SUSD4: variants seen among roughly 807,000 people sequenced by gnomAD.
The protein encoded by SUSD4 is sushi domain containing 4.
Under a neutral mutation model 50.5 loss-of-function variants are expected in SUSD4, and 41 were observed. The observed-to-expected ratio is 0.81, with a 90% CI of 0.63 to 1.05. The LOEUF is 1.05. Ranked by LOEUF, SUSD4 falls within the 50% of genes least tolerant of loss-of-function variation. The probability of loss-of-function intolerance (pLI) is 0.00; values close to 1 mark genes in which losing one functional copy is unlikely to be tolerated. For missense variants in SUSD4, 580 were observed against 634.7 expected, an observed-to-expected ratio of 0.91 and a Z score of 0.93; for synonymous variants, 257 against 257.3, an observed-to-expected ratio of 1.00 and a Z score of 0.01.
chr1:223,281,604 C>T (rs1017535255), intron 3 of SUSD4, among the ~76,000 whole-genome samples: 1 of 152,180 alleles, frequency 6.6e-6, no homozygotes, highest in African/African-American at 2.4e-5. Context: ...TAATAGCCTA[C>T]CAACCAAAAA....
intron 7 of SUSD4, among the ~76,000 whole-genome samples, chr1:223,224,862 C>CTTTTTTT (rs11345619): frequency 1.0e-4 from 6 of 59,288 alleles, no homozygotes; most frequent in African/African-American, 3.6e-4. Context: ...TGGTTTCTTC[C>CTTTTTTT]TTTTTTTTTT....
rs1659579434 is a variant in SUSD4 at position 223,227,268 on chromosome 1, C to A, written c.1061+326G>T. Reference sequence around the variant, plus strand: ...TGGTGCTTCACTCCAGGGCCACATGCAGGGGGACCACAGTGGGAATGGTGC... The same window carrying A: ...TGGTGCTTCACTCCAGGGCCACATGAAGGGGGACCACAGTGGGAATGGTGC... On this transcript the variant is annotated intron_variant, in intron 7 of 8. Transcript: ENST00000366878. The surrounding 1 kb of genome is among the most constrained non-coding windows in gnomAD (Gnocchi z 4.5). 6.6e-6 allele frequency among the ~76,000 whole-genome samples: 1 copy of A among 152,152 alleles called. No individual in the cohort carries two copies. Among genetic ancestry groups the A allele is most frequent in the South Asian group, 2.1e-4 (1 of 4,828 alleles).
At chr1:223,364,975 G>A (rs1420657948), upstream of SUSD4, among the ~76,000 whole-genome samples, 1 of 152,138 alleles carries the variant, frequency 6.6e-6, no homozygotes, top group East Asian at 1.9e-4. The surrounding 1 kb of genome is among the most constrained non-coding windows in gnomAD (Gnocchi z 4.5). Context: ...CAGGTGTTGC[G>A]AGTGAGGACC....
chr1:223,351,311 T>C (rs2102575474), intron 2 of SUSD4, among the ~76,000 whole-genome samples: 1 of 152,304 alleles, frequency 6.6e-6, no homozygotes, highest in South Asian at 2.1e-4. Context: ...GCACAACATC[T>C]AAAGTAGGGG....
At chr1:223,303,161 C>A (rs1172293713) in intron 2 of SUSD4, among the ~76,000 whole-genome samples, 2 of 151,786 alleles carry the variant, frequency 1.3e-5, no homozygotes, top group East Asian at 3.9e-4. Flanking sequence ...TCAAAAACAC[C>A]CCCAAAATCA....
intron 5 of SUSD4, among the ~76,000 whole-genome samples, chr1:223,239,119 T>C (rs1660407225): frequency 6.6e-6 from 1 of 152,062 alleles, no homozygotes; most frequent in Admixed American, 6.5e-5. Context: ...TGCTATAAAG[T>C]CTGTTCTGTC....
At chr1:223,272,282 T>C (rs1029807927) in intron 3 of SUSD4, among the ~76,000 whole-genome samples, 4 of 152,216 alleles carry the variant, frequency 2.6e-5, no homozygotes, top group Admixed American at 6.5e-5. Context: ...AAATAGGCCA[T>C]TCAGGGTGTA....
chr1:223,316,201 C>CA lies in SUSD4; in HGVS notation c.149-23551dup, dbSNP rs149634210. On this transcript the variant is annotated intron_variant, in intron 2 of 8. Coordinates refer to ENST00000366878, the MANE Select transcript of SUSD4 (RefSeq NM_017982.4). ...ATGACTTGGGAAAATCTTAAGCACC[C>CA]AAAAAAGGTAGGGGCATGGGGATGG... Among the ~76,000 whole-genome samples, 1,415 of 152,034 alleles carry CA rather than the reference C, an allele frequency of 9.3e-3. 41 individuals carry two copies. The East Asian group carries it at 0.11, about 11-fold the overall frequency.
rs202015723 is a variant in SUSD4, at chr1:223,281,788, A to T, written c.361+10651T>A. ...AAGCCTGGCAGAGACACAACAAAAA[A>T]AGAGAATTTTAGACCAATATCCCTG... On this transcript the variant is annotated intron_variant, in intron 3 of 8. Coordinates refer to ENST00000366878, the MANE Select transcript of SUSD4 (RefSeq NM_017982.4). Among the ~76,000 whole-genome samples the T allele has an allele frequency of 5.4e-3, 830 of 152,342 alleles. 45 individuals carry two copies. The East Asian group carries it at 0.12, about 21-fold the overall frequency.
Position 223,310,467 on chromosome 1 carries a change from G to A in SUSD4, c.149-17816C>T, listed in dbSNP as rs538836072. On this transcript the variant is annotated intron_variant, in intron 2 of 8. Coordinates refer to ENST00000366878, the MANE Select transcript of SUSD4 (RefSeq NM_017982.4). ...TTTTGAAGATTTGCTAATTATTAGT[G>A]TTAATGATTAAGGGACAATTCCCCA... Among the ~76,000 whole-genome samples the A allele has an allele frequency of 9.2e-5, 14 of 152,240 alleles. No individual in the cohort carries two copies. In the South Asian group the frequency reaches 2.9e-3, roughly 32 times the overall value.
At chr1:223,245,228 G>A (rs1286088684) in intron 5 of SUSD4, among the ~76,000 whole-genome samples, 3 of 150,838 alleles carry the variant, frequency 2.0e-5, no homozygotes, top group African/African-American at 7.3e-5. Flanking sequence ...CTTGTATTAT[G>A]TGTTTGTCTT....
At chr1:223,304,104 G>A (rs1259165930) in intron 2 of SUSD4, among the ~76,000 whole-genome samples, 1 of 152,182 alleles carries the variant, frequency 6.6e-6, no homozygotes, top group Non-Finnish European at 1.5e-5. Flanking sequence ...TTATAGGCCT[G>A]TCTTATCCAT....
At chr1:223,242,549 T>G (rs1490667899) in intron 5 of SUSD4, among the ~76,000 whole-genome samples, 5 of 152,182 alleles carry the variant, frequency 3.3e-5, no homozygotes, top group Admixed American at 3.3e-4. Context: ...CTCACTTTCA[T>G]CCCTGGCCCA....
intron 2 of SUSD4, among the ~76,000 whole-genome samples, chr1:223,316,682 G>A (rs1438125191): frequency 6.6e-6 from 1 of 152,170 alleles, no homozygotes. Context: ...GGGAGGCTGA[G>A]CTGGGGCTCA....
intron 2 of SUSD4, among the ~76,000 whole-genome samples, chr1:223,317,037 A>T (rs1017162569): frequency 6.6e-6 from 1 of 152,170 alleles, no homozygotes; most frequent in African/African-American, 2.4e-5. Flanking sequence ...CTCCATCTTG[A>T]CTAGGAGCTG....
At chr1:223,335,937 A>G (rs1667431250) in intron 2 of SUSD4, among the ~76,000 whole-genome samples, 1 of 152,196 alleles carries the variant, frequency 6.6e-6, no homozygotes, top group Non-Finnish European at 1.5e-5. Context: ...AGAATTCATT[A>G]TACTGTAGAA....
At chr1:223,323,664 C>T (rs557821461) in intron 2 of SUSD4, among the ~76,000 whole-genome samples, 1 of 152,260 alleles carries the variant, frequency 6.6e-6, no homozygotes, top group East Asian at 1.9e-4. Context: ...CTGCCAGTGA[C>T]TGTGCCAAGA....
Position 223,338,575 on chromosome 1 carries a change from G to C in SUSD4, c.148+24703C>G, listed in dbSNP as rs770927646. On this transcript the variant is annotated intron_variant, in intron 2 of 8. Coordinates refer to ENST00000366878, the MANE Select transcript of SUSD4 (RefSeq NM_017982.4). ...CACCACAAGGAGGATGAGCTGGAAG[G>C]GGGCAATGCCAGAGGCAGATAACCC... Among the ~76,000 whole-genome samples the C allele has an allele frequency of 7.2e-5, 11 of 152,354 alleles. No homozygotes were observed. The South Asian group carries it at 8.3e-4, about 11-fold the overall frequency.
chr1:223,333,119 G>A (rs1667265136), intron 2 of SUSD4, among the ~76,000 whole-genome samples: 1 of 152,080 alleles, frequency 6.6e-6, no homozygotes, highest in Admixed American at 6.5e-5. Flanking sequence ...GCCAATCCAG[G>A]CACTGACTGT....
Sources: gnomAD v4.1 joint callset for allele counts (sites outside exome capture counted in the v4.1 genomes callset) on GRCh38, gnomAD v4.1.1 for gene constraint, Gnocchi (gnomAD v3.1) non-coding constraint, MANE v1.5 for transcripts, NCBI Gene and HGNC (gene_info 2026-07-23, HGNC 2026-07-21) for gene names.